Variants in IGSF21 observed in about 807,000 individuals in gnomAD.
IGSF21 encodes the protein immunoglobin superfamily member 21.
In IGSF21, 28 loss-of-function variants were observed where a neutral mutation model predicts 46.8. The observed-to-expected ratio is 0.60, with a 90% CI of 0.44 to 0.82. The LOEUF (loss-of-function observed/expected upper bound fraction) is 0.82. IGSF21 is among the 40% of genes least tolerant of loss of function. The pLI is 0.00. For missense variants in IGSF21, 624 were observed against 665.5 expected (o/e 0.94, Z 0.69); for synonymous variants, 284 against 273.6 (o/e 1.04, Z -0.38).
At chr1:18,150,989 T>TG (rs2086517117) in intron 1 of IGSF21, among the ~76,000 whole-genome samples, 1 of 152,200 alleles carries the variant, frequency 6.6e-6, no homozygotes, top group Non-Finnish European at 1.5e-5. Context: ...CTGTCCCAGT[T>TG]GGCACCAGAG....
chr1:18,345,342 C>G (rs12069662), intron 4 of IGSF21, among the ~76,000 whole-genome samples: 2,165 of 152,304 alleles, frequency 0.014, 47 homozygotes, highest in African/African-American at 0.048. Flanking sequence ...TTTCTACCAG[C>G]TTCTGCAACT....
chr1:18,131,622 G>T (rs140486209), intron 1 of IGSF21, among the ~76,000 whole-genome samples: 2 of 152,176 alleles, frequency 1.3e-5, no homozygotes, highest in South Asian at 2.1e-4. Flanking sequence ...GCACAAGCTC[G>T]ATAGAAGTTT....
rs771758311 is a variant in IGSF21 at position 18,377,471 on chromosome 1, T to A, written c.1333+40T>A. On this transcript the variant is annotated intron_variant, in intron 9 of 9. Coordinates refer to ENST00000251296, the MANE Select transcript of IGSF21 (RefSeq NM_032880.5). ...TCAGGATTTTTTGCTTAAAAGGGAG[T>A]GGCTTTTGAGGCGCCAGAAAGCTCT... The A allele has an allele frequency of 7.9e-5, 123 of 1,562,546 alleles. No individual in the cohort carries two copies. In the South Asian group the frequency reaches 1.0e-3, roughly 13 times the overall value.
intron 4 of IGSF21, among the ~76,000 whole-genome samples, chr1:18,358,269 G>A (rs1344594594): frequency 1.3e-5 from 2 of 152,084 alleles, no homozygotes; most frequent in Admixed American, 6.5e-5. Context: ...ATAATGTAAA[G>A]TACATATGTC....
At chr1:18,186,649 G>A (rs10907290) in intron 1 of IGSF21, among the ~76,000 whole-genome samples, 4,607 of 152,150 alleles carry the variant, frequency 0.03, 222 homozygotes, top group African/African-American at 0.096. Context: ...TCATCTGATC[G>A]TCCCCCAATT....
chr1:18,183,425 A>C (rs1475262846), intron 1 of IGSF21, among the ~76,000 whole-genome samples: 1 of 152,208 alleles, frequency 6.6e-6, no homozygotes, highest in Admixed American at 6.5e-5. Flanking sequence ...AGTAGATAGG[A>C]TATATGGCAG....
chr1:18,244,849 G>T (rs2084769050), intron 2 of IGSF21, among the ~76,000 whole-genome samples: 1 of 152,102 alleles, frequency 6.6e-6, no homozygotes, highest in Admixed American at 6.5e-5. Flanking sequence ...ATGCCTGAGA[G>T]ACAGCATTTT....
Position 18,216,070 on chromosome 1 carries a change from G to T in IGSF21, c.71-11828G>T, listed in dbSNP as rs143073702. On this transcript the variant is annotated intron_variant, in intron 1 of 9. Transcript: ENST00000251296. ...TGTTATATTACAATGGAATGTGTTT[G>T]GGCTGTGACTGAGATGTTTACAAAG... Among the ~76,000 whole-genome samples, 784 of 152,280 alleles carry T rather than the reference G, an allele frequency of 5.1e-3. 24 individuals carry two copies. In the South Asian group the frequency reaches 0.073, roughly 14 times the overall value.
At chr1:18,278,196 A>C (rs1238705886) in intron 2 of IGSF21, among the ~76,000 whole-genome samples, 1 of 148,366 alleles carries the variant, frequency 6.7e-6, no homozygotes, top group South Asian at 2.3e-4. Context: ...TAAAGCAAAC[A>C]TGGCTGCATT....
At chr1:18,273,168 G>A (rs1365422339) in intron 2 of IGSF21, among the ~76,000 whole-genome samples, 3 of 149,842 alleles carry the variant, frequency 2.0e-5, no homozygotes, top group East Asian at 3.9e-4. Context: ...GCCTCAGACA[G>A]TAGCTGGGAT....
chr1:18,365,381 C>A lies in IGSF21; in HGVS notation c.699C>A (p.Asp233Glu), dbSNP rs146733691. 4 of 1,614,068 alleles carry A rather than the reference C, an allele frequency of 2.5e-6. No individual in the cohort carries two copies. Among genetic ancestry groups the A allele is most frequent in the Non-Finnish European group, 3.4e-6 (4 of 1,180,024 alleles). Residue 233 changes from aspartate (D) to glutamate (E), a missense_variant, in exon 6 of 10, where the codon GAC becomes GAA. By Grantham distance (45) the Asp-to-Glu change is conservative. Transcript: ENST00000251296. This position sits in a 1 kb window ranked among gnomAD's most constrained non-coding sequence, Gnocchi z 4.8. ...TGCAGAAGTCACTGTCCCTCCTGGA[C>A]GCCGAGAACCGGGGTGGGCGACCCT... ...TKMQKSLSLL[D>E]AENRGGRPYT...
intron 1 of IGSF21, among the ~76,000 whole-genome samples, chr1:18,214,440 A>C (rs115708523): frequency 6.6e-6 from 1 of 152,226 alleles, no homozygotes; most frequent in Admixed American, 6.5e-5. Flanking sequence ...TGGGAAATCT[A>C]TAGCTCAATA....
rs1437300217 is a variant in IGSF21, at chr1:18,290,421, G to T, written c.184-1445G>T. 1.3e-5 allele frequency among the ~76,000 whole-genome samples: 2 copies of T among 152,128 alleles called. No homozygotes were observed. The highest frequency in any genetic ancestry group is 4.8e-5 in the African/African-American group (2 of 41,428). ...AAGCCGTGCCCTGGGAAGTCTCACTGCCGCTTCCTCTCAGGGTCCCAGAGC... is the reference window on the plus strand; with the variant it reads ...AAGCCGTGCCCTGGGAAGTCTCACTTCCGCTTCCTCTCAGGGTCCCAGAGC... On this transcript the variant is annotated intron_variant, in intron 2 of 9. Coordinates refer to ENST00000251296, the MANE Select transcript of IGSF21 (RefSeq NM_032880.5). This position sits in a 1 kb window ranked among gnomAD's most constrained non-coding sequence, Gnocchi z 4.2.
At chr1:18,202,957 C>A (rs1024852698) in intron 1 of IGSF21, among the ~76,000 whole-genome samples, 10 of 152,164 alleles carry the variant, frequency 6.6e-5, no homozygotes, top group African/African-American at 2.4e-4. Context: ...CCATCCCAGT[C>A]TTGGCTTTGG....
At chr1:18,229,466 CG>C (rs1356031137) in intron 2 of IGSF21, among the ~76,000 whole-genome samples, 1 of 152,222 alleles carries the variant, frequency 6.6e-6, no homozygotes, top group Non-Finnish European at 1.5e-5. Context: ...TTTGCATTTT[CG>C]GTCTCTGATT....
intron 1 of IGSF21, among the ~76,000 whole-genome samples, chr1:18,157,251 C>T (rs1057178436): frequency 4.6e-5 from 7 of 152,220 alleles, no homozygotes; most frequent in Admixed American, 4.6e-4. Flanking sequence ...TTCAGAGGGG[C>T]AGTGGGGCTT....
chr1:18,163,563 A>G (rs1205921604), intron 1 of IGSF21, among the ~76,000 whole-genome samples: 1 of 152,228 alleles, frequency 6.6e-6, no homozygotes, highest in African/African-American at 2.4e-5. Context: ...CATTTCAGGT[A>G]CATCGGTCTC....
chr1:18,269,380 T>C (rs1182781310), intron 2 of IGSF21, among the ~76,000 whole-genome samples: 1 of 152,150 alleles, frequency 6.6e-6, no homozygotes, highest in Non-Finnish European at 1.5e-5. Context: ...GTCATTGGCA[T>C]GGATGCAAGT....
At chr1:18,114,704 A>G (rs1202027033) in intron 1 of IGSF21, 1 of 152,178 alleles carries the variant, frequency 6.6e-6, no homozygotes, top group African/African-American at 2.4e-5. Context: ...ACACAGGGAG[A>G]CAGCTAGTCT....
Sources: allele counts gnomAD v4.1 joint callset (sites outside exome capture counted in the v4.1 genomes callset), GRCh38; gene constraint gnomAD v4.1.1; non-coding constraint Gnocchi (gnomAD v3.1); transcripts MANE v1.5; gene names NCBI Gene and HGNC (gene_info 2026-07-23, HGNC 2026-07-21).